Variants in WDPCP observed in about 807,000 individuals in gnomAD.
WDPCP encodes WD repeat-containing and planar cell polarity effector protein fritz homolog.
WDPCP carries 71 observed loss-of-function variants against 93.1 expected under a neutral mutation model. The ratio of observed to expected loss-of-function variants is 0.76; its 90% confidence interval spans 0.63 to 0.93. WDPCP has a LOEUF of 0.93. Among genes scored for constraint, WDPCP ranks in the 40% least tolerant of loss-of-function variants. WDPCP has a pLI of 0.00. For synonymous variants in WDPCP, 315 were observed against 315.0 expected (o/e 1.00, Z 0.00); for missense variants, 844 against 887.4 (o/e 0.95, Z 0.62).
chr2:63,351,931 CTGT>C (rs1311901027), intron 12 of WDPCP, among the ~76,000 whole-genome samples: 2 of 152,208 alleles, frequency 1.3e-5, no homozygotes, highest in African/African-American at 4.8e-5. Context: ...TCACCAGCAT[CTGT>C]TGTTTTCTGA....
chr2:63,427,431 A>C (rs1696407804), intron 9 of WDPCP, among the ~76,000 whole-genome samples: 1 of 152,210 alleles, frequency 6.6e-6, no homozygotes, highest in African/African-American at 2.4e-5. Context: ...TCAATACCAA[A>C]AGTTCTCCCA....
At chr2:63,442,167 C>T (rs1038218097) in intron 6 of WDPCP, 12 of 152,112 alleles carry the variant, frequency 7.9e-5, no homozygotes, top group Non-Finnish European at 1.5e-4. Flanking sequence ...TGGTTAAGAG[C>T]ACAGACTCTG....
chr2:63,303,163 C>G (rs771712812), intron 13 of WDPCP, among the ~76,000 whole-genome samples: 1 of 152,208 alleles, frequency 6.6e-6, no homozygotes, highest in African/African-American at 2.4e-5. Context: ...TATCCCTGCA[C>G]TATAACTTCC....
intron 6 of WDPCP, among the ~76,000 whole-genome samples, chr2:63,468,778 TG>T (rs1699515710): frequency 1.3e-5 from 2 of 152,186 alleles, no homozygotes; most frequent in South Asian, 4.1e-4. Context: ...CAGCAATTAA[TG>T]CTCCCCTTTC....
intron 1 of WDPCP, among the ~76,000 whole-genome samples, chr2:63,537,542 A>C (rs988585597): frequency 2.0e-5 from 3 of 152,198 alleles, no homozygotes; most frequent in African/African-American, 7.2e-5. Context: ...TGAACACTGA[A>C]GTCTTAGGGT....
intron 2 of WDPCP, among the ~76,000 whole-genome samples, chr2:63,728,739 G>A (rs1247937566): frequency 2.0e-5 from 3 of 152,084 alleles, no homozygotes; most frequent in Non-Finnish European, 4.4e-5. Context: ...TCCACTCAGT[G>A]CTCCATTCCC....
intron 14 of WDPCP, among the ~76,000 whole-genome samples, chr2:63,215,153 C>T (rs534695378): frequency 1.3e-5 from 2 of 152,262 alleles, no homozygotes; most frequent in African/African-American, 4.8e-5. Context: ...CAAAAAAGAG[C>T]CCGCATTGCC....
At chr2:63,247,074 A>G (rs960486802) in intron 14 of WDPCP, among the ~76,000 whole-genome samples, 9 of 152,322 alleles carry the variant, frequency 5.9e-5, no homozygotes, top group Admixed American at 5.9e-4. Context: ...AACCTTTGTT[A>G]ATGAGGCAGA....
intron 6 of WDPCP, among the ~76,000 whole-genome samples, chr2:63,471,191 T>C (rs908548959): frequency 5.3e-5 from 8 of 152,234 alleles, no homozygotes; most frequent in Admixed American, 3.9e-4. Context: ...GTCCCTTTTG[T>C]TCACTGCTAT....
At chr2:63,594,405 G>T (rs1468395969) in intron 3 of WDPCP, 2 of 1,042,230 alleles carry the variant, frequency 1.9e-6, no homozygotes, top group Non-Finnish European at 3.0e-6. Flanking sequence ...AAAGTATGTG[G>T]ATTTCTTACT....
Position 63,795,435 on chromosome 2 carries a change from G to A in WDPCP, n.308+18187C>T, listed in dbSNP as rs182341187. Reference sequence around the variant, plus strand: ...AATCCCAGCTACTTGAGAGGGTGAGGCAGGAGGATCACATGAGCCAAGGAG... The same window carrying A: ...AATCCCAGCTACTTGAGAGGGTGAGACAGGAGGATCACATGAGCCAAGGAG... On this transcript the variant is annotated intron_variant and non_coding_transcript_variant, in intron 2 of 4. Coordinates refer to the WDPCP transcript ENST00000467687. 5.6e-3 allele frequency among the ~76,000 whole-genome samples: 856 copies of A among 151,836 alleles called. 8 individuals are homozygous for A. The highest frequency in any genetic ancestry group is 5.1e-3 in the Non-Finnish European group (345 of 67,960).
chr2:63,573,228 G>A (rs1202185562), intron 1 of WDPCP, among the ~76,000 whole-genome samples: 3 of 149,866 alleles, frequency 2.0e-5, no homozygotes, highest in African/African-American at 7.4e-5. Flanking sequence ...GAGCAACAGA[G>A]CAAGACCTGC....
At position 63,484,943 on chromosome 2, in the gene WDPCP, G is replaced by C; in HGVS notation, c.298C>G (p.Leu100Val). 6.2e-7 allele frequency: 1 copy of C among 1,612,626 alleles called. No homozygotes were observed. Among genetic ancestry groups the C allele is most frequent in the Non-Finnish European group, 8.5e-7 (1 of 1,179,064 alleles). The change falls in exon 5 of 18, where the codon CTC (leucine) becomes GTC (valine). Residue 100 changes from leucine (L) to valine (V), a missense_variant. Physicochemically the swap from Leu to Val is conservative, Grantham distance 32. Coordinates refer to ENST00000272321, the MANE Select transcript of WDPCP (RefSeq NM_015910.7). ...TCCAACTCTTTGAGCGAGTCTCGGA[G>C]TTTTTCTGGGCGTCTGTTTTTGAGC... ...WTLKNRRPEK[L>V]RDSLKELEEL...
At chr2:63,197,059 T>C (rs1402894419) in intron 14 of WDPCP, among the ~76,000 whole-genome samples, 1 of 152,154 alleles carries the variant, frequency 6.6e-6, no homozygotes, top group East Asian at 1.9e-4. Context: ...TTCCATAAAG[T>C]TACACCAAGT....
At chr2:63,772,974 A>C (rs553862038) in intron 2 of WDPCP, among the ~76,000 whole-genome samples, 1 of 152,224 alleles carries the variant, frequency 6.6e-6, no homozygotes, top group Non-Finnish European at 1.5e-5. Context: ...CAAAAGTATT[A>C]GAATGAAAGA....
At chr2:63,327,970 C>T (rs902561980) in intron 12 of WDPCP, among the ~76,000 whole-genome samples, 6 of 152,150 alleles carry the variant, frequency 3.9e-5, no homozygotes, top group Non-Finnish European at 5.9e-5. Flanking sequence ...GTCCCTTCTT[C>T]GCCCCTATCC....
chr2:63,435,914 T>C (rs965064648), intron 8 of WDPCP, among the ~76,000 whole-genome samples: 22 of 152,106 alleles, frequency 1.4e-4, no homozygotes, highest in Non-Finnish European at 1.0e-4. Context: ...AAGTAAGTAA[T>C]TCCCTTACTT....
At chr2:63,347,037 CAAAT>C (rs1001559100) in intron 12 of WDPCP, among the ~76,000 whole-genome samples, 5 of 152,172 alleles carry the variant, frequency 3.3e-5, no homozygotes, top group African/African-American at 1.2e-4. Context: ...CAGGAACTCT[CAAAT>C]AATATTTTCA....
intron 17 of WDPCP, among the ~76,000 whole-genome samples, chr2:63,136,743 G>T (rs920884062): frequency 2.0e-5 from 3 of 152,162 alleles, no homozygotes; most frequent in Admixed American, 2.0e-4. Flanking sequence ...CTCATGGTCT[G>T]TTGTTTCCCT....
Sources: gnomAD v4.1 joint callset for allele counts (sites outside exome capture counted in the v4.1 genomes callset) on GRCh38, gnomAD v4.1.1 for gene constraint, MANE v1.5 for transcripts, NCBI Gene and HGNC (gene_info 2026-07-23, HGNC 2026-07-21) for gene names.